The following LIFR variants were observed in gnomAD, a reference collection of about 807,000 sequenced individuals.
LIFR encodes the protein LIF receptor subunit alpha.
In LIFR, 84 loss-of-function variants were observed where a neutral mutation model predicts 122.2. The ratio of observed to expected loss-of-function variants is 0.69; its 90% CI spans 0.58 to 0.82. LIFR has a LOEUF of 0.82. LIFR is among the 40% of genes least tolerant of loss of function. The probability of loss-of-function intolerance (pLI) is 0.00; values close to 1 mark genes in which losing one functional copy is unlikely to be tolerated. For synonymous variants in LIFR, 422 were observed against 434.7 expected (o/e 0.97, Z 0.36); for missense variants, 1,294 against 1,311.6 (o/e 0.99, Z 0.21).
At chr5:38,486,996 C>T (rs1158268125) in intron 16 of LIFR, among the ~76,000 whole-genome samples, 1 of 152,066 alleles carries the variant, frequency 6.6e-6, no homozygotes, top group Non-Finnish European at 1.5e-5. Flanking sequence ...TTCTACATAC[C>T]AGTCAATAAT....
intron 16 of LIFR, 134 bp from the exon 17 acceptor site, chr5:38,486,114 C>T: frequency 1.3e-6 from 1 of 774,348 alleles, no homozygotes; most frequent in Non-Finnish European, 2.2e-6. Flanking sequence ...TCTGGAGCTG[C>T]CACTACCTTG....
rs970537103 is a variant in LIFR, at chr5:38,512,436, C to T, written c.562-472G>A. Among the ~76,000 whole-genome samples the T allele has an allele frequency of 3.3e-5, 5 of 151,546 alleles. No homozygotes were observed. In the East Asian group the frequency reaches 9.7e-4, roughly 29 times the overall value. On this transcript the variant is annotated intron_variant, in intron 5 of 19. Transcript: ENST00000453190. Reference sequence around the variant, plus strand: ...GAGTACAAGACCAGCCTGGACAATACGGCGAAACCCCATCTCTACAAAAAA... The same window carrying T: ...GAGTACAAGACCAGCCTGGACAATATGGCGAAACCCCATCTCTACAAAAAA...
intron 5 of LIFR, among the ~76,000 whole-genome samples, chr5:38,512,582 G>C (rs1373941369): frequency 6.6e-6 from 1 of 152,176 alleles, no homozygotes; most frequent in Non-Finnish European, 1.5e-5. Flanking sequence ...CAAGGCTGCA[G>C]TGAGCTGAGA....
chr5:38,563,537 C>G (rs1748908261), intron 1 of LIFR, among the ~76,000 whole-genome samples: 1 of 152,154 alleles, frequency 6.6e-6, no homozygotes, highest in African/African-American at 2.4e-5. Context: ...TATGAATGCA[C>G]CAGTCTGTTT....
intron 5 of LIFR, among the ~76,000 whole-genome samples, chr5:38,512,451 T>G (rs1358010578): frequency 6.6e-6 from 1 of 150,930 alleles, no homozygotes; most frequent in African/African-American, 2.4e-5. Context: ...AAACCCCATC[T>G]CTACAAAAAA....
At chr5:38,528,405 G>C (rs915362554) in intron 3 of LIFR, among the ~76,000 whole-genome samples, 1 of 152,160 alleles carries the variant, frequency 6.6e-6, no homozygotes, top group African/African-American at 2.4e-5. Context: ...CTCACACTAA[G>C]ACCGTCCTTC....
intron 1 of LIFR, among the ~76,000 whole-genome samples, chr5:38,566,948 C>T (rs1035187370): frequency 5.9e-5 from 9 of 152,102 alleles, no homozygotes; most frequent in Admixed American, 2.0e-4. Flanking sequence ...TTTAAGCTAC[C>T]AAGGTGAAAT....
chr5:38,546,774 G>A (rs900645455), intron 1 of LIFR, among the ~76,000 whole-genome samples: 21 of 152,160 alleles, frequency 1.4e-4, no homozygotes, highest in Admixed American at 3.3e-4. Context: ...TTTATGTAAC[G>A]TCCACTGTCC....
chr5:38,512,115 TAGC>T, intron 5 of LIFR, 151 bp from the exon 6 acceptor site: 1 of 757,110 alleles, frequency 1.3e-6, no homozygotes, highest in South Asian at 1.5e-5. Context: ...TAAGGTATAA[TAGC>T]AGAGTAACAA....
chr5:38,553,842 T>C (rs1164272139), intron 1 of LIFR, among the ~76,000 whole-genome samples: 1 of 151,424 alleles, frequency 6.6e-6, no homozygotes, highest in Non-Finnish European at 1.5e-5. Context: ...ATTTATTCTT[T>C]TTCAAGAGCA....
At chr5:38,557,080 A>C (rs1225673572), upstream of LIFR, 1 of 152,308 alleles carries the variant, frequency 6.6e-6, no homozygotes, top group East Asian at 2.0e-4. Flanking sequence ...ACCACTGCAC[A>C]CAAGAAAACC....
intron 12 of LIFR, 84 bp downstream of exon 12, chr5:38,499,429 G>A (rs1485089667): frequency 3.2e-6 from 3 of 944,326 alleles, no homozygotes; most frequent in Non-Finnish European, 5.2e-6. Flanking sequence ...GGAAGTTTCA[G>A]CTCCTTGATA....
chr5:38,529,444 C>A (rs1375922163), intron 2 of LIFR, among the ~76,000 whole-genome samples: 8 of 152,134 alleles, frequency 5.3e-5, no homozygotes, highest in African/African-American at 1.7e-4. Context: ...TAAATTTAAA[C>A]AGTAATAAAC....
upstream of LIFR, among the ~76,000 whole-genome samples, chr5:38,599,316 G>C (rs1159633633): frequency 6.6e-6 from 1 of 152,204 alleles, no homozygotes; most frequent in Non-Finnish European, 1.5e-5. Flanking sequence ...ATTTTCAATA[G>C]AGTGACCCCA....
chr5:38,476,920 G>T lies in LIFR; in HGVS notation c.*4675C>A. 1 of 215,874 alleles carries T rather than the reference G, an allele frequency of 4.6e-6. No individual in the cohort carries two copies. The allele number at this position is 215,874 out of a possible 1,614,324, so 13.4% of individuals were successfully genotyped here. ...CAAATATTAACATTCCTAATATAGG[G>T]AAAAATAAGCACCATTCATAGCTAA... is the stretch of plus-strand genomic sequence containing the variant. On this transcript the variant is annotated 3_prime_UTR_variant, in exon 20 of 20. Coordinates refer to ENST00000453190, the MANE Select transcript of LIFR (RefSeq NM_001127671.2).
Position 38,511,779 on chromosome 5 carries a change from T to A in LIFR, c.736+11A>T, listed in dbSNP as rs774029836. ...TCATCTGAAACAAACATTCTTTAAA[T>A]ATAAGCTTACAAGAAATGTTCTTCA... On this transcript the variant is annotated intron_variant, in intron 6 of 19. Coordinates refer to ENST00000453190, the MANE Select transcript of LIFR (RefSeq NM_001127671.2). The A allele has an allele frequency of 6.2e-7, 1 of 1,611,418 alleles. No homozygotes were observed. Among genetic ancestry groups the A allele is most frequent in the African/African-American group, 1.3e-5 (1 of 74,862 alleles).
At chr5:38,497,497 C>T (rs1744944953) in intron 12 of LIFR, among the ~76,000 whole-genome samples, 1 of 152,336 alleles carries the variant, frequency 6.6e-6, no homozygotes, top group Admixed American at 6.5e-5. Context: ...TCCAGAAGCA[C>T]TGCTCTACTT....
chr5:38,573,229 C>G (rs1305789797), intron 1 of LIFR, among the ~76,000 whole-genome samples: 1 of 152,224 alleles, frequency 6.6e-6, no homozygotes, highest in Non-Finnish European at 1.5e-5. Flanking sequence ...CTAGAAGTAG[C>G]CATTAGGAGC....
intron 1 of LIFR, among the ~76,000 whole-genome samples, chr5:38,578,890 TA>T (rs1322525944): frequency 6.6e-6 from 1 of 152,156 alleles, no homozygotes. Flanking sequence ...GTTTCATATA[TA>T]TTTTTTTTAG....
Sources: allele counts gnomAD v4.1 joint callset (sites outside exome capture counted in the v4.1 genomes callset), GRCh38; gene constraint gnomAD v4.1.1; transcripts MANE v1.5; gene names NCBI Gene and HGNC (gene_info 2026-07-23, HGNC 2026-07-21).